KIAA1217: variants seen among roughly 807,000 people sequenced by gnomAD.
The protein encoded by KIAA1217 is sickle tail protein homolog.
In KIAA1217, 88 loss-of-function variants were observed where a neutral mutation model predicts 163.9. The ratio of observed to expected loss-of-function variants is 0.54; its 90% CI spans 0.45 to 0.64. The LOEUF is 0.64. Ranked by LOEUF, KIAA1217 falls within the 30% of genes least tolerant of loss-of-function variation. The probability of loss-of-function intolerance (pLI) is 0.00; values close to 1 mark genes in which losing one functional copy is unlikely to be tolerated. For missense variants in KIAA1217, 2,372 were observed against 2,475.0 expected (o/e 0.96, Z 0.88); for synonymous variants, 903 against 923.1 (o/e 0.98, Z 0.39).
chr10:23,776,292 A>C (rs1835003665), intron 1 of KIAA1217, among the ~76,000 whole-genome samples: 1 of 151,990 alleles, frequency 6.6e-6, no homozygotes, highest in Admixed American at 6.6e-5. Context: ...TTCCTTTTAA[A>C]GTAATTTAGT....
chr10:24,283,126 A>T (rs942964112), intron 2 of KIAA1217, among the ~76,000 whole-genome samples: 3 of 151,174 alleles, frequency 2.0e-5, no homozygotes, highest in Non-Finnish European at 4.4e-5. Flanking sequence ...AGCCACCGCA[A>T]CCAGCCTGAG....
intron 1 of KIAA1217, among the ~76,000 whole-genome samples, chr10:23,935,931 G>A (rs1015597324): frequency 7.2e-5 from 11 of 152,236 alleles, no homozygotes; most frequent in African/African-American, 2.4e-4. Flanking sequence ...TAATCTAGAT[G>A]GTTTGATAAT....
intron 2 of KIAA1217, among the ~76,000 whole-genome samples, chr10:24,156,193 T>G (rs1213328947): frequency 6.6e-6 from 1 of 152,202 alleles, no homozygotes; most frequent in Admixed American, 6.5e-5. Context: ...GAAACTAGCT[T>G]GCATTTTCTA....
chr10:23,785,765 C>A (rs1012828491), intron 1 of KIAA1217, among the ~76,000 whole-genome samples: 1 of 151,536 alleles, frequency 6.6e-6, no homozygotes, highest in African/African-American at 2.4e-5. Flanking sequence ...ATCCTTAGCA[C>A]TCAGAAATAT....
intron 17 of KIAA1217, 105 bp downstream of exon 17, chr10:24,536,998 T>C: frequency 7.3e-7 from 1 of 1,360,978 alleles, no homozygotes; most frequent in East Asian, 2.4e-5. Context: ...CTGTCTTTTT[T>C]CTCTCTCTTT....
At chr10:24,458,779 T>C (rs561180060) in intron 5 of KIAA1217, among the ~76,000 whole-genome samples, 8 of 152,330 alleles carry the variant, frequency 5.3e-5, no homozygotes, top group African/African-American at 1.9e-4. Context: ...TTCCATCTTC[T>C]CTTGGCAGAT....
chr10:23,739,837 G>A (rs1394889623), intron 1 of KIAA1217, among the ~76,000 whole-genome samples: 1 of 152,188 alleles, frequency 6.6e-6, no homozygotes, highest in Non-Finnish European at 1.5e-5. Context: ...GGGAGCAGCA[G>A]CGGAGAAGTG....
At chr10:24,309,549 C>G (rs1446769889) in intron 2 of KIAA1217, among the ~76,000 whole-genome samples, 2 of 152,154 alleles carry the variant, frequency 1.3e-5, no homozygotes, top group African/African-American at 4.8e-5. Flanking sequence ...CTGCGTCATA[C>G]CCTTTTACAT....
rs753632906 is a variant in KIAA1217 at position 24,544,977 on chromosome 10, A to T, written c.5212-4A>T. On this transcript the variant is annotated splice_polypyrimidine_tract_variant and splice_region_variant and intron_variant, in intron 19 of 20. Transcript: ENST00000376454. ...CTTCCCCCTCTCACTGGTCCTTCCCACAGGGCTCCAGCGGGGCCCCACAGA... is the reference window on the plus strand; with the variant it reads ...CTTCCCCCTCTCACTGGTCCTTCCCTCAGGGCTCCAGCGGGGCCCCACAGA... 1.2e-6 allele frequency: 2 copies of T among 1,613,562 alleles called. No homozygotes were observed. Among genetic ancestry groups the T allele is most frequent in the Non-Finnish European group, 1.7e-6 (2 of 1,179,736 alleles).
At position 24,315,554 on chromosome 10, in the gene KIAA1217, G is replaced by A. The variant is rs563885205; in HGVS notation, c.355-65315G>A. On this transcript the variant is annotated intron_variant, in intron 2 of 20. Transcript: ENST00000376454. ...ACATAGCCCATCAACCGGACCTCCC[G>A]TTGCTAGGTTCTGAGCCTTAGGGTG... 1.3e-3 allele frequency among the ~76,000 whole-genome samples: 196 copies of A among 152,202 alleles called. No individual in the cohort carries two copies. The South Asian group carries it at 0.014, about 11-fold the overall frequency.
rs1284458398 is a variant in KIAA1217, at chr10:24,219,864, C to T, written c.309C>T (p.His103=). ...FLEHLKQKYP[H]HASAIMGHQE... is the part of the protein sequence containing the mutation. ...AACATCTGAAGCAGAAGTACCCCCACCACGCCTCTGCAATCATGGGTCACC... is the reference window on the plus strand; with the variant it reads ...AACATCTGAAGCAGAAGTACCCCCATCACGCCTCTGCAATCATGGGTCACC... Residue 103 remains histidine (H), a synonymous_variant, in exon 2 of 21, where the codon CAC becomes CAT. Coordinates refer to ENST00000376454, the MANE Select transcript of KIAA1217 (RefSeq NM_019590.5). The T allele has an allele frequency of 1.2e-6, 2 of 1,612,534 alleles. No individual in the cohort carries two copies. The highest frequency in any genetic ancestry group is 1.7e-6 in the Non-Finnish European group (2 of 1,179,242).
chr10:24,227,655 C>T (rs530351158), intron 2 of KIAA1217, among the ~76,000 whole-genome samples: 1 of 152,110 alleles, frequency 6.6e-6, no homozygotes, highest in African/African-American at 2.4e-5. Flanking sequence ...GCCTCAGCCT[C>T]CCAAGTAGCT....
intron 3 of KIAA1217, among the ~76,000 whole-genome samples, chr10:24,415,979 A>C (rs778388821): frequency 4.6e-5 from 7 of 152,130 alleles, no homozygotes; most frequent in Non-Finnish European, 7.3e-5. Context: ...AGAGCCAGGG[A>C]CTAGCCTAGG....
intron 1 of KIAA1217, among the ~76,000 whole-genome samples, chr10:23,928,846 G>C (rs1843135583): frequency 1.3e-5 from 2 of 152,176 alleles, no homozygotes. Context: ...ATTTAAAAAG[G>C]GCAAGGTGAT....
chr10:23,986,143 A>G (rs1050196819), intron 1 of KIAA1217, among the ~76,000 whole-genome samples: 1 of 152,250 alleles, frequency 6.6e-6, no homozygotes, highest in Non-Finnish European at 1.5e-5. Context: ...AGAGTCCCTC[A>G]GGAGTACATG....
At chr10:23,817,344 A>G (rs185225701) in intron 1 of KIAA1217, among the ~76,000 whole-genome samples, 197 of 152,338 alleles carry the variant, frequency 1.3e-3, no homozygotes, top group South Asian at 2.1e-3. Context: ...AAATGGCTAT[A>G]GTTCTTATTG....
At chr10:24,352,357 G>T (rs540191244) in intron 2 of KIAA1217, among the ~76,000 whole-genome samples, 11 of 152,292 alleles carry the variant, frequency 7.2e-5, no homozygotes, top group African/African-American at 2.4e-4. Context: ...TTTTTGCATG[G>T]ATGTGCAATT....
chr10:24,141,233 C>CCG (rs372854082), intron 2 of KIAA1217, among the ~76,000 whole-genome samples: 1 of 132,350 alleles, frequency 7.6e-6, no homozygotes, highest in Non-Finnish European at 1.6e-5. Flanking sequence ...AAACCCCCCC[C>CCG]CCCCATTTCT....
At chr10:23,964,206 A>G (rs1844952013) in intron 1 of KIAA1217, among the ~76,000 whole-genome samples, 2 of 150,988 alleles carry the variant, frequency 1.3e-5, no homozygotes, top group Admixed American at 1.3e-4. Flanking sequence ...CTGGCCGATG[A>G]GCTGTTTTTC....
Sources: gnomAD v4.1 joint callset for allele counts (sites outside exome capture counted in the v4.1 genomes callset) on GRCh38, gnomAD v4.1.1 for gene constraint, MANE v1.5 for transcripts, NCBI Gene and HGNC (gene_info 2026-07-23, HGNC 2026-07-21) for gene names.